The following GPR39 variants were observed in gnomAD, a reference collection of about 807,000 sequenced individuals.
GPR39 encodes the protein zinc sensing receptor.
GPR39 carries 23 observed loss-of-function variants against 18.4 expected under a neutral mutation model. The observed-to-expected ratio is 1.25, with a 90% CI of 0.90 to 1.77. The LOEUF is 1.77. Ranked by LOEUF, GPR39 falls within the 40% of genes most tolerant of loss-of-function variation. The pLI is 0.00. For synonymous variants in GPR39, 280 were observed against 257.9 expected, an observed-to-expected ratio of 1.09 and a Z score of -0.82; for missense variants, 647 against 602.4, an observed-to-expected ratio of 1.07 and a Z score of -0.78.
chr2:132,535,735 A>G (rs1202788345), intron 1 of GPR39, among the ~76,000 whole-genome samples: 1 of 136,502 alleles, frequency 7.3e-6, no homozygotes, highest in African/African-American at 2.7e-5. Flanking sequence ...TACTGCCTCA[A>G]TTTCAGAACT....
At position 132,492,292 on chromosome 2, in the gene GPR39, A is replaced by G. The variant is rs1164639410; in HGVS notation, c.856+74394A>G. 2.1e-3 allele frequency among the ~76,000 whole-genome samples: 295 copies of G among 141,420 alleles called. 17 individuals are homozygous for G. Among genetic ancestry groups the G allele is most frequent in the African/African-American group, 7.7e-3 (281 of 36,334 alleles). The allele number at this position is 141,420 out of a possible 152,430, so 92.8% of individuals were successfully genotyped here. On this transcript the variant is annotated intron_variant, in intron 1 of 1. Transcript: ENST00000329321. ...TACATACCATATATATACACCATATATATACATACCATATATATACCATAT... is the reference window on the plus strand; with the variant it reads ...TACATACCATATATATACACCATATGTATACATACCATATATATACCATAT...
At chr2:132,590,720 AG>A (rs5834321) in intron 1 of GPR39, among the ~76,000 whole-genome samples, 60,159 of 151,846 alleles carry the variant, frequency 0.4, 13,925 homozygotes, top group African/African-American at 0.64. Context: ...TCTGTCTTTC[AG>A]GGATGGACTC....
intron 1 of GPR39, among the ~76,000 whole-genome samples, chr2:132,426,853 C>G (rs1680127342): frequency 6.6e-6 from 1 of 151,970 alleles, no homozygotes; most frequent in African/African-American, 2.4e-5. Context: ...ATCAAAGTTG[C>G]CATTGTACTT....
chr2:132,554,882 A>G (rs1195894858), intron 1 of GPR39, among the ~76,000 whole-genome samples: 3 of 152,172 alleles, frequency 2.0e-5, no homozygotes, highest in Non-Finnish European at 4.4e-5. Flanking sequence ...TCTGGAAAAG[A>G]CATACTTTCA....
intron 1 of GPR39, among the ~76,000 whole-genome samples, chr2:132,485,670 C>A (rs923016055): frequency 2.0e-5 from 3 of 152,216 alleles, no homozygotes; most frequent in African/African-American, 4.8e-5. Context: ...CTCGTCCATT[C>A]AAGTTTGAAT....
intron 1 of GPR39, among the ~76,000 whole-genome samples, chr2:132,552,689 G>A (rs1287322822): frequency 6.6e-6 from 1 of 151,634 alleles, no homozygotes; most frequent in East Asian, 1.9e-4. Flanking sequence ...CTTGAATTTT[G>A]TAAATATTGG....
At chr2:132,521,386 A>C (rs1573644049) in intron 1 of GPR39, among the ~76,000 whole-genome samples, 1 of 152,292 alleles carries the variant, frequency 6.6e-6, no homozygotes, top group South Asian at 2.1e-4. Context: ...CCTGGCATTA[A>C]CACTCTTTGA....
intron 1 of GPR39, among the ~76,000 whole-genome samples, chr2:132,559,399 A>G (rs898714862): frequency 1.3e-4 from 20 of 152,188 alleles, no homozygotes; most frequent in Admixed American, 3.9e-4. Flanking sequence ...GTGACTTTCC[A>G]TGCGTAGAAA....
intron 1 of GPR39, among the ~76,000 whole-genome samples, chr2:132,551,315 G>A (rs1680039843): frequency 6.6e-6 from 1 of 152,180 alleles, no homozygotes; most frequent in East Asian, 1.9e-4. Context: ...TGTCCAAGAA[G>A]TCTTCTGTTT....
intron 1 of GPR39, among the ~76,000 whole-genome samples, chr2:132,476,260 T>C (rs1681123462): frequency 6.6e-6 from 1 of 152,166 alleles, no homozygotes; most frequent in Non-Finnish European, 1.5e-5. Context: ...ATACCGAGGA[T>C]GTCCTGGTTC....
At position 132,593,997 on chromosome 2, in the gene GPR39, G is replaced by A. The variant is rs552115460; in HGVS notation, c.857-51104G>A. ...TTTTGTCCAGGTCACTTTGACTGGA[G>A]GTCCAAGTGTTGCCAAATTCTTTAG... On this transcript the variant is annotated intron_variant, in intron 1 of 1. Transcript: ENST00000329321. Among the ~76,000 whole-genome samples the A allele has an allele frequency of 2.0e-5, 3 of 152,206 alleles. No individual in the cohort carries two copies. In the East Asian group the frequency reaches 5.8e-4, roughly 29 times the overall value.
intron 1 of GPR39, among the ~76,000 whole-genome samples, chr2:132,455,529 A>T (rs1308297929): frequency 6.6e-6 from 1 of 151,888 alleles, no homozygotes; most frequent in Non-Finnish European, 1.5e-5. Flanking sequence ...CTAACTTTTG[A>T]ATGTGTTTGC....
intron 1 of GPR39, among the ~76,000 whole-genome samples, chr2:132,585,169 A>C (rs1417390192): frequency 6.6e-6 from 1 of 152,146 alleles, no homozygotes; most frequent in Non-Finnish European, 1.5e-5. Flanking sequence ...ATTTAGGACA[A>C]CAATCCCTAC....
At chr2:132,561,164 C>T (rs532753956) in intron 1 of GPR39, among the ~76,000 whole-genome samples, 6 of 152,166 alleles carry the variant, frequency 3.9e-5, no homozygotes, top group African/African-American at 7.2e-5. Flanking sequence ...ATGATCCACC[C>T]GCCTCAGACT....
At chr2:132,441,297 C>T (rs749289452) in intron 1 of GPR39, among the ~76,000 whole-genome samples, 5 of 152,084 alleles carry the variant, frequency 3.3e-5, no homozygotes, top group East Asian at 1.9e-4. Flanking sequence ...TTTACAGATA[C>T]GCTGCATTTC....
intron 1 of GPR39, among the ~76,000 whole-genome samples, chr2:132,491,769 G>T (rs1045359867): frequency 6.6e-6 from 1 of 152,058 alleles, no homozygotes; most frequent in Middle Eastern, 3.4e-3. Flanking sequence ...AAACTGCCTA[G>T]ATTCCAGTCC....
chr2:132,504,783 AATAT>A (rs75799285), intron 1 of GPR39, among the ~76,000 whole-genome samples: 2 of 152,144 alleles, frequency 1.3e-5, no homozygotes, highest in African/African-American at 2.4e-5. Context: ...ATAATTTAAA[AATAT>A]ATATAGTTTT....
chr2:132,524,863 A>C (rs2104769930), intron 1 of GPR39, among the ~76,000 whole-genome samples: 1 of 152,302 alleles, frequency 6.6e-6, no homozygotes. Context: ...TTTCTAGTGA[A>C]GTTATTACAA....
intron 1 of GPR39, among the ~76,000 whole-genome samples, chr2:132,532,997 G>T (rs1679670333): frequency 6.6e-6 from 1 of 152,060 alleles, no homozygotes; most frequent in South Asian, 2.1e-4. Context: ...TCTGGCCAGG[G>T]CAATCAGGCA....
Sources: allele counts gnomAD v4.1 joint callset (sites outside exome capture counted in the v4.1 genomes callset), GRCh38; gene constraint gnomAD v4.1.1; transcripts MANE v1.5; gene names NCBI Gene and HGNC (gene_info 2026-07-23, HGNC 2026-07-21).